The following PCDH9 variants were observed in gnomAD, a reference collection of about 807,000 sequenced individuals.
PCDH9 encodes the protein protocadherin 9, also known as protocadherin-9.
Under a neutral mutation model 70.6 loss-of-function variants are expected in PCDH9, and 24 were observed. That is an observed-to-expected ratio of 0.34 (90% CI 0.25 to 0.48). The LOEUF is 0.48. PCDH9 is among the 20% of genes least tolerant of loss of function. PCDH9 has a pLI of 0.99. For missense variants in PCDH9, 1,281 were observed against 1,503.6 expected (o/e 0.85, Z 2.45); for synonymous variants, 562 against 558.5 (o/e 1.01, Z -0.09).
intron 3 of PCDH9, among the ~76,000 whole-genome samples, chr13:66,866,472 ACT>A (rs933182238): frequency 2.0e-5 from 3 of 150,642 alleles, no homozygotes; most frequent in African/African-American, 7.4e-5. Flanking sequence ...ACAGAGCGAG[ACT>A]CAAAAATAAA....
intron 2 of PCDH9, among the ~76,000 whole-genome samples, chr13:67,194,289 A>T (rs899125824): frequency 6.6e-6 from 1 of 152,074 alleles, no homozygotes; most frequent in Admixed American, 6.5e-5. Context: ...TCATAAAATC[A>T]TTGTCTCCAA....
chr13:66,723,861 A>C (rs2078972763), intron 3 of PCDH9, among the ~76,000 whole-genome samples: 1 of 152,238 alleles, frequency 6.6e-6, no homozygotes, highest in Non-Finnish European at 1.5e-5. Flanking sequence ...GCCACACAAC[A>C]GTTGGACAGT....
At chr13:66,454,165 A>G (rs920895534) in intron 4 of PCDH9, among the ~76,000 whole-genome samples, 1 of 152,066 alleles carries the variant, frequency 6.6e-6, no homozygotes, top group Non-Finnish European at 1.5e-5. Flanking sequence ...TTTTTTTTAA[A>G]AAAAGCATTT....
At chr13:67,087,533 T>A (rs977772738) in intron 2 of PCDH9, among the ~76,000 whole-genome samples, 2 of 152,134 alleles carry the variant, frequency 1.3e-5, no homozygotes, top group Non-Finnish European at 2.9e-5. Flanking sequence ...GAGTTAAAAA[T>A]ATTTTAAATG....
At chr13:66,657,228 A>G (rs375230762) in intron 3 of PCDH9, among the ~76,000 whole-genome samples, 1 of 152,156 alleles carries the variant, frequency 6.6e-6, no homozygotes. Context: ...TGTGTGTGCC[A>G]TCACTTTAGC....
intron 2 of PCDH9, among the ~76,000 whole-genome samples, chr13:67,081,008 T>C (rs751883897): frequency 6.6e-6 from 1 of 152,224 alleles, no homozygotes; most frequent in Non-Finnish European, 1.5e-5. Context: ...AAACTTTTGC[T>C]TATCAAACTT....
intron 3 of PCDH9, among the ~76,000 whole-genome samples, chr13:66,738,893 T>C (rs1452970631): frequency 2.0e-5 from 3 of 148,154 alleles, no homozygotes; most frequent in Non-Finnish European, 3.0e-5. Context: ...ATGCGGAGAA[T>C]GGAACCAAGT....
intron 4 of PCDH9, among the ~76,000 whole-genome samples, chr13:66,400,330 C>T (rs1477714661): frequency 6.6e-6 from 1 of 152,030 alleles, no homozygotes; most frequent in Non-Finnish European, 1.5e-5. Flanking sequence ...CAAGGAGTTG[C>T]TAACAGTTGA....
intron 4 of PCDH9, among the ~76,000 whole-genome samples, chr13:66,490,576 G>A (rs1362031799): frequency 1.3e-5 from 2 of 151,950 alleles, no homozygotes; most frequent in East Asian, 3.9e-4. Context: ...TTATTTTACT[G>A]GTTTTGTTTT....
In PCDH9 at chr13:66,832,023, G is replaced by C. The variant is rs537653309; in HGVS notation, c.3138+71481C>G. Among the ~76,000 whole-genome samples the C allele has an allele frequency of 3.9e-5, 6 of 152,120 alleles. 1 individual carries two copies. The highest frequency in any genetic ancestry group is 1.4e-4 in the African/African-American group (6 of 41,530). On this transcript the variant is annotated intron_variant, in intron 3 of 4. Transcript: ENST00000377865. Reference sequence around the variant, plus strand: ...TCCTACAGCTGTGTGCCTGTATTGGGTACAGACCAAAACATAGGAGGCCAC... The same window carrying C: ...TCCTACAGCTGTGTGCCTGTATTGGCTACAGACCAAAACATAGGAGGCCAC...
At chr13:66,458,289 A>G (rs1031868087) in intron 4 of PCDH9, among the ~76,000 whole-genome samples, 3 of 152,054 alleles carry the variant, frequency 2.0e-5, no homozygotes, top group Non-Finnish European at 4.4e-5. Flanking sequence ...TTACTTAAAT[A>G]TAATTACATC....
At chr13:66,865,643 T>C (rs1294894590) in intron 3 of PCDH9, among the ~76,000 whole-genome samples, 2 of 152,204 alleles carry the variant, frequency 1.3e-5, no homozygotes, top group African/African-American at 4.8e-5. Context: ...CTGGTGTAGG[T>C]ATGCCTGATG....
intron 3 of PCDH9, among the ~76,000 whole-genome samples, chr13:66,829,326 T>C (rs114290910): frequency 0.028 from 4,265 of 152,244 alleles, 206 homozygotes; most frequent in African/African-American, 0.095. Context: ...CGGGAATCTT[T>C]TTAAAAAGCA....
At chr13:67,036,381 A>G (rs758018421) in intron 2 of PCDH9, among the ~76,000 whole-genome samples, 1 of 152,096 alleles carries the variant, frequency 6.6e-6, no homozygotes, top group Non-Finnish European at 1.5e-5. Context: ...CTAATCTCTC[A>G]GGTCTTTGAT....
At chr13:66,822,136 G>GCACACACACACA (rs10701113) in intron 3 of PCDH9, among the ~76,000 whole-genome samples, 21 of 149,174 alleles carry the variant, frequency 1.4e-4, no homozygotes, top group African/African-American at 3.7e-4. Context: ...TCACACACGC[G>GCACACACACACA]CACACACACA....
At chr13:66,959,750 C>CAA (rs5804305) in intron 2 of PCDH9, among the ~76,000 whole-genome samples, 1 of 129,226 alleles carries the variant, frequency 7.7e-6, no homozygotes, top group Admixed American at 8.0e-5. Context: ...GACCCCGTCT[C>CAA]AAAAAAAAAA....
intron 2 of PCDH9, among the ~76,000 whole-genome samples, chr13:67,041,959 T>C (rs2085125375): frequency 6.6e-6 from 1 of 152,140 alleles, no homozygotes; most frequent in Non-Finnish European, 1.5e-5. Flanking sequence ...CAAAATGAAG[T>C]ATGTCATTTC....
At chr13:66,957,352 T>A (rs1332104551) in intron 2 of PCDH9, among the ~76,000 whole-genome samples, 2 of 152,154 alleles carry the variant, frequency 1.3e-5, no homozygotes, top group East Asian at 3.9e-4. Context: ...GTACTACCCC[T>A]CCAAGTTTCA....
intron 3 of PCDH9, among the ~76,000 whole-genome samples, chr13:66,693,894 T>C (rs1429804710): frequency 6.6e-6 from 1 of 151,990 alleles, no homozygotes. Flanking sequence ...GAAGAGAGAG[T>C]AGAATATATT....
Sources: allele counts gnomAD v4.1 joint callset (sites outside exome capture counted in the v4.1 genomes callset), GRCh38; gene constraint gnomAD v4.1.1; transcripts MANE v1.5; gene names NCBI Gene and HGNC (gene_info 2026-07-23, HGNC 2026-07-21).